The following CNOT4 variants were observed in gnomAD, a reference collection of about 807,000 sequenced individuals.
CNOT4 encodes the protein CCR4-NOT transcription complex subunit 4.
A neutral mutation model predicts 73.8 loss-of-function variants in CNOT4; 8 were observed. That is an observed-to-expected ratio of 0.11 (90% CI 0.06 to 0.20). CNOT4 has a LOEUF of 0.20. Among genes scored for constraint, CNOT4 ranks in the 10% least tolerant of loss-of-function variants. The pLI is 1.00. For missense variants in CNOT4, 564 were observed against 883.4 expected, an observed-to-expected ratio of 0.64 and a Z score of 4.58; for synonymous variants, 293 against 321.1, an observed-to-expected ratio of 0.91 and a Z score of 0.94.
intron 1 of CNOT4, among the ~76,000 whole-genome samples, chr7:135,493,094 C>T (rs1803224102): frequency 6.6e-6 from 1 of 152,210 alleles, no homozygotes; most frequent in Admixed American, 6.5e-5. Context: ...ACTGCCCCAT[C>T]TCCAGGCTCT....
At chr7:135,371,847 T>C (rs951718037) in intron 10 of CNOT4, among the ~76,000 whole-genome samples, 5 of 152,126 alleles carry the variant, frequency 3.3e-5, no homozygotes, top group Non-Finnish European at 7.3e-5. Context: ...CGAACCACAA[T>C]ATGTAAGCAA....
At chr7:135,463,128 C>A (rs373706436) in intron 1 of CNOT4, among the ~76,000 whole-genome samples, 57 of 152,300 alleles carry the variant, frequency 3.7e-4, no homozygotes, top group African/African-American at 1.3e-3. Context: ...TTGGTTACTG[C>A]AGCCTTGTAG....
chr7:135,464,732 T>C (rs560767872), intron 1 of CNOT4, among the ~76,000 whole-genome samples: 32 of 152,070 alleles, frequency 2.1e-4, no homozygotes, highest in Admixed American at 7.9e-4. Context: ...CATTCTATAA[T>C]ACTATTAAAT....
At chr7:135,477,422 T>C (rs1037228212) in intron 1 of CNOT4, among the ~76,000 whole-genome samples, 4 of 152,202 alleles carry the variant, frequency 2.6e-5, no homozygotes, top group African/African-American at 9.6e-5. Context: ...CCATTAACTT[T>C]TGTTTCCATC....
In CNOT4 at chr7:135,363,231, G is replaced by A; in HGVS notation, c.1841-45C>T. On this transcript the variant is annotated intron_variant, in intron 11 of 11. Coordinates refer to ENST00000541284, the MANE Select transcript of CNOT4 (RefSeq NM_001190850.2). This position sits in a 1 kb window ranked among gnomAD's most constrained non-coding sequence, Gnocchi z 4.3. The stretch of plus-strand genomic sequence containing the variant: ...AAGAGGGAAAATGGTGAGTTTGTGT[G>A]GAAAGAATAAGGTCGTCAAACAAAT... 6.3e-7 allele frequency: 1 copy of A among 1,582,992 alleles called. No homozygotes were observed. The highest frequency in any genetic ancestry group is 1.7e-4 in the Middle Eastern group (1 of 5,944).
intron 10 of CNOT4, among the ~76,000 whole-genome samples, chr7:135,374,495 T>C (rs1044880413): frequency 6.6e-6 from 1 of 152,222 alleles, no homozygotes; most frequent in African/African-American, 2.4e-5. Flanking sequence ...AGCCTAAAAG[T>C]CTCTGTAATA....
At chr7:135,470,873 A>T (rs1170994805) in intron 1 of CNOT4, among the ~76,000 whole-genome samples, 1 of 152,174 alleles carries the variant, frequency 6.6e-6, no homozygotes, top group Non-Finnish European at 1.5e-5. Flanking sequence ...GAGTGATGGA[A>T]ATGTTCTATA....
At chr7:135,432,921 G>A (rs1206474440) in intron 2 of CNOT4, among the ~76,000 whole-genome samples, 1 of 152,180 alleles carries the variant, frequency 6.6e-6, no homozygotes, top group Non-Finnish European at 1.5e-5. Context: ...CATGCGATCT[G>A]CTATTTTCCT....
chr7:135,460,666 G>A (rs1800821954), intron 1 of CNOT4, among the ~76,000 whole-genome samples: 1 of 152,086 alleles, frequency 6.6e-6, no homozygotes, highest in African/African-American at 2.4e-5. Flanking sequence ...GAAATATTGT[G>A]AGAATTACCC....
At chr7:135,433,932 A>G (rs1015445527) in intron 2 of CNOT4, among the ~76,000 whole-genome samples, 13 of 152,208 alleles carry the variant, frequency 8.5e-5, no homozygotes, top group Non-Finnish European at 1.3e-4. Context: ...ACCAAACGGG[A>G]ACACTAAACT....
chr7:135,387,862 A>G (rs953356156), intron 10 of CNOT4: 13 of 971,812 alleles, frequency 1.3e-5, no homozygotes, highest in African/African-American at 1.8e-5. Context: ...GAGGACATCC[A>G]ATCTCTTCTC....
chr7:135,387,826 G>A (rs1796197262), intron 10 of CNOT4: 5 of 979,696 alleles, frequency 5.1e-6, no homozygotes, highest in African/African-American at 1.8e-5. Context: ...AAAATTATCT[G>A]TTACAATTTA....
At chr7:135,373,717 C>T (rs557086904) in intron 10 of CNOT4, among the ~76,000 whole-genome samples, 2 of 152,092 alleles carry the variant, frequency 1.3e-5, no homozygotes, top group Non-Finnish European at 2.9e-5. Flanking sequence ...GCTGGGATTA[C>T]AGGCAAGTGC....
At chr7:135,387,922 T>C (rs1456188624) in intron 10 of CNOT4, 2 of 961,430 alleles carry the variant, frequency 2.1e-6, no homozygotes, top group Admixed American at 1.2e-4. Flanking sequence ...TATCTTATTA[T>C]CACATTTTAA....
At chr7:135,476,779 C>A (rs1217360243) in intron 1 of CNOT4, among the ~76,000 whole-genome samples, 1 of 152,174 alleles carries the variant, frequency 6.6e-6, no homozygotes, top group Non-Finnish European at 1.5e-5. Context: ...CCAGACCAGC[C>A]TGGGCAATAC....
intron 8 of CNOT4, among the ~76,000 whole-genome samples, 153 bp downstream of exon 8, chr7:135,398,016 G>A (rs1165459998): frequency 6.6e-6 from 1 of 151,994 alleles, no homozygotes; most frequent in African/African-American, 2.4e-5. Context: ...ATTCTGGGGG[G>A]AAAAGGCTAA....
intron 9 of CNOT4, 106 bp from the exon 10 acceptor site, chr7:135,394,521 T>G: frequency 1.1e-6 from 1 of 946,604 alleles, no homozygotes; most frequent in East Asian, 2.4e-5. Context: ...ACAAATTAAG[T>G]AAGTGCAAAA....
At position 135,438,432 on chromosome 7, in the gene CNOT4, G is replaced by T; in HGVS notation, c.-92-9C>A. The T allele has an allele frequency of 1.1e-6, 1 of 882,004 alleles. No homozygotes were observed. The highest frequency in any genetic ancestry group is 1.6e-6 in the Non-Finnish European group (1 of 613,214). 54.6% of individuals were successfully genotyped at this position (882,004 alleles called of 1,614,324 possible). A position where few individuals can be genotyped will look rare whatever the true frequency, so the allele number is the denominator to read the frequency against. ...TGTAGGACTTTGACGACCTGCATGAGAAGAAACAAAATACATTGTTTACTA... is the reference window on the plus strand; with the variant it reads ...TGTAGGACTTTGACGACCTGCATGATAAGAAACAAAATACATTGTTTACTA... On this transcript the variant is annotated splice_polypyrimidine_tract_variant and intron_variant, in intron 1 of 11. Coordinates refer to ENST00000541284, the MANE Select transcript of CNOT4 (RefSeq NM_001190850.2).
chr7:135,432,935 T>C (rs190089989), intron 2 of CNOT4, among the ~76,000 whole-genome samples: 1 of 152,364 alleles, frequency 6.6e-6, no homozygotes, highest in East Asian at 1.9e-4. Flanking sequence ...TTTTCCTCTG[T>C]GGAAGCTTGT....
Sources: allele counts gnomAD v4.1 joint callset (sites outside exome capture counted in the v4.1 genomes callset), GRCh38; gene constraint gnomAD v4.1.1; non-coding constraint Gnocchi (gnomAD v3.1); transcripts MANE v1.5; gene names NCBI Gene and HGNC (gene_info 2026-07-23, HGNC 2026-07-21).